The following ASAP1 variants were observed in gnomAD, a reference collection of about 807,000 sequenced individuals.
ASAP1 encodes the protein ArfGAP with SH3 domain, ankyrin repeat and PH domain 1, also known as arf-GAP with SH3 domain, ANK repeat and PH domain-containing protein 1.
In ASAP1, 43 loss-of-function variants were observed where a neutral mutation model predicts 145.2. That is an observed-to-expected ratio of 0.30 (90% CI 0.23 to 0.38). The LOEUF is 0.38. ASAP1 is among the 10% of genes least tolerant of loss of function. ASAP1 has a pLI of 1.00. For missense variants in ASAP1, 1,018 were observed against 1,355.3 expected (o/e 0.75, Z 3.91); for synonymous variants, 546 against 515.5 (o/e 1.06, Z -0.80).
intron 25 of ASAP1, chr8:130,083,527 G>A (rs2097486072): frequency 6.6e-6 from 1 of 152,102 alleles, no homozygotes; most frequent in African/African-American, 2.4e-5. Context: ...TATGAGTTTG[G>A]GTGACTTCTT....
At chr8:130,079,067 T>C (rs2097472148) in intron 26 of ASAP1, among the ~76,000 whole-genome samples, 1 of 152,126 alleles carries the variant, frequency 6.6e-6, no homozygotes, top group Admixed American at 6.5e-5. Context: ...CAGTGATGCA[T>C]GCCTCTGGTT....
chr8:130,337,368 T>A (rs987033994), intron 3 of ASAP1, among the ~76,000 whole-genome samples: 2 of 152,230 alleles, frequency 1.3e-5, no homozygotes, highest in Non-Finnish European at 2.9e-5. Context: ...ACCAACCACC[T>A]GCATTTGATT....
At chr8:130,211,757 A>G (rs1816596526) in intron 5 of ASAP1, among the ~76,000 whole-genome samples, 1 of 145,574 alleles carries the variant, frequency 6.9e-6, no homozygotes, top group Non-Finnish European at 1.5e-5. Context: ...ACCTTCGAAC[A>G]TAATAGACTT....
chr8:130,431,132 T>TC (rs1443875249), intron 1 of ASAP1, among the ~76,000 whole-genome samples: 7 of 151,848 alleles, frequency 4.6e-5, no homozygotes. Flanking sequence ...CTCTTCCCCA[T>TC]CCCCCCTCCA....
chr8:130,059,646 G>T (rs1284936500), intron 28 of ASAP1, among the ~76,000 whole-genome samples: 2 of 152,316 alleles, frequency 1.3e-5, no homozygotes, highest in East Asian at 3.9e-4. Flanking sequence ...TGCAATGGGA[G>T]AACTTCTGGA....
intron 3 of ASAP1, 66 bp downstream of exon 3, chr8:130,357,950 GA>G: frequency 1.3e-6 from 2 of 1,530,876 alleles, no homozygotes; most frequent in Non-Finnish European, 1.8e-6. Context: ...CCAGCTCGGA[GA>G]GGAGATCCTC....
chr8:130,259,205 T>C (rs1819748252), intron 3 of ASAP1, among the ~76,000 whole-genome samples: 1 of 152,222 alleles, frequency 6.6e-6, no homozygotes, highest in South Asian at 2.1e-4. Context: ...CCTCTGTGCT[T>C]TGGGATTTCT....
At chr8:130,251,046 T>C (rs1475056117) in intron 3 of ASAP1, among the ~76,000 whole-genome samples, 1 of 152,160 alleles carries the variant, frequency 6.6e-6, no homozygotes, top group African/African-American at 2.4e-5. Context: ...CTAATTACAA[T>C]CAGAATACCT....
chr8:130,269,408 C>T (rs975264103), intron 3 of ASAP1, among the ~76,000 whole-genome samples: 2 of 152,184 alleles, frequency 1.3e-5, no homozygotes, highest in East Asian at 3.8e-4. Flanking sequence ...AAATTGTTAG[C>T]AGGATGTCCT....
intron 3 of ASAP1, among the ~76,000 whole-genome samples, chr8:130,241,980 C>G (rs770463822): frequency 2.6e-5 from 4 of 151,928 alleles, no homozygotes; most frequent in Non-Finnish European, 4.4e-5. Context: ...TTTATGTTTA[C>G]AGAGGCAGGA....
chr8:130,093,400 C>T (rs1286594865), intron 24 of ASAP1, among the ~76,000 whole-genome samples: 1 of 152,032 alleles, frequency 6.6e-6, no homozygotes, highest in Non-Finnish European at 1.5e-5. Context: ...GGCACGGTGG[C>T]TCTCGCCTGT....
intron 2 of ASAP1, among the ~76,000 whole-genome samples, chr8:130,384,886 G>A (rs1348789348): frequency 2.6e-5 from 4 of 152,162 alleles, no homozygotes; most frequent in Non-Finnish European, 4.4e-5. Flanking sequence ...GAGCAAGGCC[G>A]AGATGACCCC....
chr8:130,060,555 G>A, intron 28 of ASAP1, 24 bp downstream of exon 28: 1 of 1,577,676 alleles, frequency 6.3e-7, no homozygotes, highest in South Asian at 1.2e-5. Flanking sequence ...GGGTTCCTAA[G>A]GGCCTGAACA....
intron 9 of ASAP1, among the ~76,000 whole-genome samples, chr8:130,177,260 A>G (rs1057201111): frequency 6.6e-6 from 1 of 152,232 alleles, no homozygotes; most frequent in Non-Finnish European, 1.5e-5. Flanking sequence ...GAAGGCTAAT[A>G]TATGTATACT....
In ASAP1 at chr8:130,128,780, C is replaced by T. The variant is rs1370824448; in HGVS notation, c.1218-690G>A. Among the ~76,000 whole-genome samples the T allele has an allele frequency of 2.6e-5, 4 of 152,210 alleles. No homozygotes were observed. In the East Asian group the frequency reaches 7.7e-4, roughly 29 times the overall value. On this transcript the variant is annotated intron_variant, in intron 15 of 29. Transcript: ENST00000518721. ...ACAACAGAGAGTTGATTAACTAGGC[C>T]TGAAATAACCACAAAGTAGAACAGT...
intron 27 of ASAP1, 48 bp downstream of exon 27, chr8:130,076,300 G>T: frequency 7.0e-7 from 1 of 1,432,442 alleles, no homozygotes; most frequent in East Asian, 2.3e-5. Context: ...CCTTGGAGGG[G>T]GTAGTGACAC....
intron 1 of ASAP1, among the ~76,000 whole-genome samples, chr8:130,418,710 A>T (rs2138689918): frequency 6.6e-6 from 1 of 152,126 alleles, no homozygotes. Flanking sequence ...ATAACAATAT[A>T]ACCTCTGTTT....
rs191688126 is a variant in ASAP1, at chr8:130,435,781, A to C, written c.-28+7679T>G. Among the ~76,000 whole-genome samples the C allele has an allele frequency of 1.1e-4, 17 of 152,332 alleles. No individual in the cohort carries two copies. The East Asian group carries it at 2.5e-3, about 22-fold the overall frequency. ...CCCATCAGCCCAGAGAAATGGCAAG[A>C]AAGCAGGATCTGAGTAAGGAAAAAA... On this transcript the variant is annotated intron_variant, in intron 1 of 29. Transcript: ENST00000518721.
chr8:130,432,493 T>C (rs975804024), intron 1 of ASAP1, among the ~76,000 whole-genome samples: 3 of 152,194 alleles, frequency 2.0e-5, no homozygotes, highest in Admixed American at 6.5e-5. Flanking sequence ...CTAGATGCCA[T>C]GTGAGTTGTT....
Sources: gnomAD v4.1 joint callset for allele counts (sites outside exome capture counted in the v4.1 genomes callset) on GRCh38, gnomAD v4.1.1 for gene constraint, MANE v1.5 for transcripts, NCBI Gene and HGNC (gene_info 2026-07-23, HGNC 2026-07-21) for gene names.